Variants in PALLD observed in about 807,000 individuals in gnomAD.
The protein encoded by PALLD is palladin, cytoskeletal associated protein.
Under a neutral mutation model 123.5 loss-of-function variants are expected in PALLD, and 61 were observed. The ratio of observed to expected loss-of-function variants is 0.49; its 90% confidence interval spans 0.40 to 0.61. The LOEUF (loss-of-function observed/expected upper bound fraction) is 0.61, where lower values mean the gene tolerates loss of function less well. PALLD is among the 20% of genes least tolerant of loss of function. PALLD has a pLI of 0.00. For synonymous variants in PALLD, 465 were observed against 496.4 expected, an observed-to-expected ratio of 0.94 and a Z score of 0.84; for missense variants, 1,273 against 1,377.0, an observed-to-expected ratio of 0.92 and a Z score of 1.20.
At chr4:168,764,170 G>T (rs563245813) in intron 10 of PALLD, among the ~76,000 whole-genome samples, 2 of 152,208 alleles carry the variant, frequency 1.3e-5, no homozygotes, top group South Asian at 4.2e-4. Context: ...AATGGTGAGT[G>T]CTCAGTAAAT....
At chr4:168,686,061 A>G (rs1782014832) in intron 6 of PALLD, among the ~76,000 whole-genome samples, 1 of 152,026 alleles carries the variant, frequency 6.6e-6, no homozygotes, top group Admixed American at 6.5e-5. Flanking sequence ...AAACTTTATT[A>G]AAAGACATTT....
intron 2 of PALLD, among the ~76,000 whole-genome samples, chr4:168,531,872 G>A (rs1764638157): frequency 6.6e-6 from 1 of 152,026 alleles, no homozygotes; most frequent in Non-Finnish European, 1.5e-5. Context: ...ACAGGGGAAG[G>A]GGAATCTTCC....
intron 17 of PALLD, among the ~76,000 whole-genome samples, chr4:168,921,160 C>G (rs1378490232): frequency 6.6e-6 from 1 of 152,018 alleles, no homozygotes; most frequent in Non-Finnish European, 1.5e-5. Context: ...AATCCCAGCA[C>G]TTTGGGAGGC....
chr4:168,665,647 T>G (rs1372483454), intron 2 of PALLD, among the ~76,000 whole-genome samples: 4 of 152,226 alleles, frequency 2.6e-5, no homozygotes, highest in African/African-American at 9.6e-5. Context: ...CGGGTCATTC[T>G]GGTCCAGAAC....
chr4:168,727,873 G>C (rs1409250232), intron 10 of PALLD, among the ~76,000 whole-genome samples: 1 of 147,652 alleles, frequency 6.8e-6, no homozygotes, highest in Non-Finnish European at 1.5e-5. Flanking sequence ...TCTATCTTGA[G>C]CTAATTTTTG....
chr4:168,576,284 C>T (rs1357985184), intron 2 of PALLD, among the ~76,000 whole-genome samples: 7 of 151,628 alleles, frequency 4.6e-5, no homozygotes, highest in African/African-American at 1.7e-4. Flanking sequence ...ATGTGCACAA[C>T]GTGCAGTTTA....
intron 10 of PALLD, among the ~76,000 whole-genome samples, chr4:168,796,961 C>T (rs188715413): frequency 6.6e-6 from 1 of 152,222 alleles, no homozygotes; most frequent in Admixed American, 6.5e-5. Context: ...ATTATGAATA[C>T]CTGGCCTGTT....
At chr4:168,529,568 A>G (rs1002064365) in intron 2 of PALLD, among the ~76,000 whole-genome samples, 6 of 152,296 alleles carry the variant, frequency 3.9e-5, no homozygotes, top group Admixed American at 2.6e-4. Flanking sequence ...GTAAATCACT[A>G]TGTTTAACTT....
At chr4:168,810,056 C>G (rs1740848141) in intron 10 of PALLD, among the ~76,000 whole-genome samples, 1 of 148,678 alleles carries the variant, frequency 6.7e-6, no homozygotes, top group Non-Finnish European at 1.5e-5. Flanking sequence ...TAAGGGGGAG[C>G]ACTAGGAAGA....
intron 10 of PALLD, among the ~76,000 whole-genome samples, chr4:168,795,887 A>T (rs1456608645): frequency 6.8e-6 from 1 of 147,408 alleles, no homozygotes; most frequent in African/African-American, 2.5e-5. Flanking sequence ...TTTTGTACTT[A>T]TTTTTTTTTA....
rs70961531 is a variant in PALLD at position 168,542,717 on chromosome 4, CATATATATATAT to C, written c.908+30340_908+30351del. Among the ~76,000 whole-genome samples, 145 of 88,934 alleles carry C rather than the reference CATATATATATAT, an allele frequency of 1.6e-3. 1 individual carries two copies. The highest frequency in any genetic ancestry group is 2.5e-3 in the African/African-American group (43 of 16,876). The allele number at this position is 88,934 out of a possible 152,430, so 58.3% of individuals were successfully genotyped here. The stretch of plus-strand genomic sequence containing the variant: ...ACATGTTTCTCCCAGCTAACCTTTC[CATATATATATAT>C]ATATATATATATATATATATATATA... On this transcript the variant is annotated intron_variant, in intron 2 of 21. Transcript: ENST00000505667.
intron 15 of PALLD, among the ~76,000 whole-genome samples, chr4:168,907,208 G>A (rs1383788582): frequency 6.6e-6 from 1 of 152,088 alleles, no homozygotes; most frequent in Non-Finnish European, 1.5e-5. Flanking sequence ...TTCAATAAAT[G>A]CTAGTTACTG....
intron 2 of PALLD, among the ~76,000 whole-genome samples, chr4:168,638,372 A>G (rs1217753328): frequency 6.6e-6 from 1 of 152,206 alleles, no homozygotes. Context: ...GCCCTGTCCT[A>G]CCTGAGTACA....
intron 14 of PALLD, among the ~76,000 whole-genome samples, chr4:168,903,534 T>A (rs1055520179): frequency 1.3e-5 from 2 of 152,180 alleles, no homozygotes; most frequent in Non-Finnish European, 2.9e-5. Flanking sequence ...GCAATATTTT[T>A]AAAAACAAAA....
chr4:168,691,882 T>C (rs4431186), intron 8 of PALLD, among the ~76,000 whole-genome samples: 53,732 of 152,012 alleles, frequency 0.35, 10,564 homozygotes, highest in African/African-American at 0.54. Context: ...GCCTCGGGCC[T>C]AGCTGTTCCC....
intron 10 of PALLD, among the ~76,000 whole-genome samples, chr4:168,831,227 A>G (rs1010337452): frequency 7.9e-5 from 12 of 152,236 alleles, no homozygotes; most frequent in Non-Finnish European, 1.6e-4. Flanking sequence ...CAAATTTTGC[A>G]TAGAATATTA....
intron 15 of PALLD, among the ~76,000 whole-genome samples, chr4:168,911,568 A>C (rs113989049): frequency 3.9e-5 from 6 of 152,332 alleles, no homozygotes; most frequent in African/African-American, 1.4e-4. Context: ...ATCTTGTATG[A>C]TGCATCAGTT....
intron 2 of PALLD, among the ~76,000 whole-genome samples, chr4:168,617,029 C>G (rs777208751): frequency 1.3e-5 from 2 of 152,204 alleles, no homozygotes; most frequent in Non-Finnish European, 2.9e-5. Flanking sequence ...AATTGACACA[C>G]GCACTTGCTT....
At chr4:168,768,393 CTTTGT>C (rs1287791186) in intron 10 of PALLD, among the ~76,000 whole-genome samples, 1 of 152,148 alleles carries the variant, frequency 6.6e-6, no homozygotes, top group Non-Finnish European at 1.5e-5. Context: ...ACCTGGAACA[CTTTGT>C]TTTAAGACAT....
Sources: allele counts gnomAD v4.1 joint callset (sites outside exome capture counted in the v4.1 genomes callset), GRCh38; gene constraint gnomAD v4.1.1; transcripts MANE v1.5; gene names NCBI Gene and HGNC (gene_info 2026-07-23, HGNC 2026-07-21).